Variants in SUFU observed in about 807,000 individuals in gnomAD.
SUFU encodes suppressor of fused homolog.
In SUFU, 7 loss-of-function variants were observed where a neutral mutation model predicts 58.9. That is an observed-to-expected ratio of 0.12 (90% CI 0.07 to 0.22). The LOEUF (loss-of-function observed/expected upper bound fraction) is 0.22. Ranked by LOEUF, SUFU falls within the 10% of genes least tolerant of loss-of-function variation. SUFU has a pLI of 1.00. For synonymous variants in SUFU, 232 were observed against 254.8 expected, an observed-to-expected ratio of 0.91 and a Z score of 0.85; for missense variants, 451 against 641.3, an observed-to-expected ratio of 0.70 and a Z score of 3.20.
chr10:102,613,336 T>A (rs1279288895), intron 8 of SUFU, among the ~76,000 whole-genome samples: 1 of 152,242 alleles, frequency 6.6e-6, no homozygotes, highest in African/African-American at 2.4e-5. Flanking sequence ...GACCGCTTTG[T>A]GAAGGAACAG....
intron 2 of SUFU, among the ~76,000 whole-genome samples, chr10:102,539,012 C>T (rs568140794): frequency 6.6e-5 from 10 of 152,258 alleles, no homozygotes; most frequent in Admixed American, 5.2e-4. Context: ...TTGCTTTGTG[C>T]GGGTCAGACA....
chr10:102,588,903 T>G (rs1339768157), intron 3 of SUFU, among the ~76,000 whole-genome samples: 1 of 152,200 alleles, frequency 6.6e-6, no homozygotes, highest in African/African-American at 2.4e-5. Flanking sequence ...TTACTTTCAT[T>G]TTTTATTTTG....
rs954397004 is a variant in SUFU at position 102,631,494 on chromosome 10, C to T, written c.*1339C>T. The T allele has an allele frequency of 5.6e-5, 13 of 233,532 alleles. No individual in the cohort carries two copies. The highest frequency in any genetic ancestry group is 1.0e-4 in the Non-Finnish European group (12 of 118,328). The allele number at this position is 233,532 out of a possible 1,614,324, so 14.5% of individuals were successfully genotyped here. A position where few individuals can be genotyped will look rare whatever the true frequency, so the allele number is the denominator to read the frequency against. On this transcript the variant is annotated 3_prime_UTR_variant, in exon 12 of 12. Transcript: ENST00000369902. ...TGGAACCAGCAAGCCCCTTTCCTGC[C>T]TTCTTACCCCCAACTCTAGGGATGG...
At chr10:102,518,983 T>C (rs1425618076) in intron 2 of SUFU, among the ~76,000 whole-genome samples, 1 of 148,408 alleles carries the variant, frequency 6.7e-6, no homozygotes, top group African/African-American at 2.5e-5. Context: ...ACTAAAAAAA[T>C]AGAAAAAATT....
Position 102,632,302 on chromosome 10 carries a change from C to T in SUFU, c.*2147C>T. On this transcript the variant is annotated 3_prime_UTR_variant, in exon 12 of 12. Coordinates refer to ENST00000369902, the MANE Select transcript of SUFU (RefSeq NM_016169.4). ...GCATGGTGGCCCTGTTCTGGGGGAG[C>T]AGGGTAAGGCAGGAGGAAGTGGGTG... 8.6e-6 allele frequency: 2 copies of T among 233,290 alleles called. No homozygotes were observed. Among genetic ancestry groups the T allele is most frequent in the Middle Eastern group, 1.3e-3 (1 of 786 alleles). The allele number at this position is 233,290 out of a possible 1,614,324, so 14.5% of individuals were successfully genotyped here.
At chr10:102,560,916 C>A (rs2063031364) in intron 3 of SUFU, among the ~76,000 whole-genome samples, 2 of 152,292 alleles carry the variant, frequency 1.3e-5, no homozygotes, top group African/African-American at 4.8e-5. Context: ...CGGCTCACCG[C>A]ATCCTCCGCC....
At chr10:102,622,823 G>GAA (rs59430798) in intron 10 of SUFU, among the ~76,000 whole-genome samples, 5 of 124,534 alleles carry the variant, frequency 4.0e-5, no homozygotes, top group Non-Finnish European at 5.1e-5. Context: ...CGTCTCAGAA[G>GAA]AAAAAAAAAA....
At chr10:102,544,932 T>C (rs1269510161) in intron 2 of SUFU, among the ~76,000 whole-genome samples, 1 of 152,230 alleles carries the variant, frequency 6.6e-6, no homozygotes, top group Non-Finnish European at 1.5e-5. Flanking sequence ...ATCCATGTTA[T>C]AGCGTATGCA....
rs777314445 is a variant in SUFU, at chr10:102,631,757, G to A, written c.*1602G>A. On this transcript the variant is annotated 3_prime_UTR_variant, in exon 12 of 12. Transcript: ENST00000369902. ...AGGGAGCAGGAGTTGGACCTCCATG[G>A]AGCCACTAGGCCTGGCCTCCTCTAC... is the stretch of plus-strand genomic sequence containing the variant. 5 of 233,164 alleles carry A rather than the reference G, an allele frequency of 2.1e-5. No homozygotes were observed. Among genetic ancestry groups the A allele is most frequent in the Non-Finnish European group, 3.4e-5 (4 of 118,156 alleles). The allele number at this position is 233,164 out of a possible 1,614,324, so 14.4% of individuals were successfully genotyped here.
intron 3 of SUFU, among the ~76,000 whole-genome samples, chr10:102,591,296 CG>C (rs1361263423): frequency 6.6e-6 from 1 of 152,056 alleles, no homozygotes; most frequent in Non-Finnish European, 1.5e-5. Context: ...GTCAGGAGAT[CG>C]AGGCCATCCT....
At chr10:102,541,309 ATC>A (rs2062796483) in intron 2 of SUFU, among the ~76,000 whole-genome samples, 1 of 152,040 alleles carries the variant, frequency 6.6e-6, no homozygotes, top group African/African-American at 2.4e-5. Flanking sequence ...GTAAGAATCC[ATC>A]TCATTCATTT....
At chr10:102,504,448 C>A in intron 1 of SUFU, 114 bp downstream of exon 1, 1 of 1,530,446 alleles carries the variant, frequency 6.5e-7, no homozygotes, top group Admixed American at 2.0e-5. Context: ...TTAAAGCACT[C>A]AGAAGGAGGG....
rs1036347481 is a variant in SUFU, at chr10:102,606,720, C to T, written c.1022+7176C>T. The stretch of plus-strand genomic sequence containing the variant: ...TGGTATTTTAGTTTGCCTGGAAACC[C>T]CTGAAGGTGGCAGTTCAGGAGAGAC... On this transcript the variant is annotated intron_variant, in intron 8 of 11. Transcript: ENST00000369902. 5.3e-5 allele frequency among the ~76,000 whole-genome samples: 8 copies of T among 152,028 alleles called. No individual in the cohort carries two copies. In the South Asian group the frequency reaches 6.2e-4, roughly 12 times the overall value.
At chr10:102,596,201 A>G (rs977499380) in intron 6 of SUFU, among the ~76,000 whole-genome samples, 3 of 152,164 alleles carry the variant, frequency 2.0e-5, no homozygotes, top group South Asian at 4.2e-4. Context: ...CTTCTCCCAC[A>G]TGGGGCTTCT....
At position 102,631,754 on chromosome 10, in the gene SUFU, A is replaced by G. The variant is rs906583465; in HGVS notation, c.*1599A>G. On this transcript the variant is annotated 3_prime_UTR_variant, in exon 12 of 12. Transcript: ENST00000369902. ...TCCAGGGAGCAGGAGTTGGACCTCC[A>G]TGGAGCCACTAGGCCTGGCCTCCTC... is the stretch of plus-strand genomic sequence containing the variant. 3.0e-5 allele frequency: 7 copies of G among 233,082 alleles called. No homozygotes were observed. Among genetic ancestry groups the G allele is most frequent in the Non-Finnish European group, 5.1e-5 (6 of 118,140 alleles). 14.4% of individuals were successfully genotyped at this position (233,082 alleles called of 1,614,324 possible).
In SUFU at chr10:102,617,950, T is replaced by C. The variant is rs2063703979; in HGVS notation, c.1296+522T>C. ...AGCCCTCCCGTTCCTCCTGAGTTTGTGTGACCAGAGACCTGCTGGCTTATC... is the reference window on the plus strand; with the variant it reads ...AGCCCTCCCGTTCCTCCTGAGTTTGCGTGACCAGAGACCTGCTGGCTTATC... On this transcript the variant is annotated intron_variant, in intron 10 of 11. Transcript: ENST00000369902. This position sits in a 1 kb window ranked among gnomAD's most constrained non-coding sequence, Gnocchi z 4.4. The C allele has an allele frequency of 5.0e-6, 1 of 199,496 alleles. No individual in the cohort carries two copies. The highest frequency in any genetic ancestry group is 2.3e-5 in the African/African-American group (1 of 43,082). The allele number at this position is 199,496 out of a possible 1,614,324, so 12.4% of individuals were successfully genotyped here. A position where few individuals can be genotyped will look rare whatever the true frequency, so the allele number is the denominator to read the frequency against.
chr10:102,525,374 T>G (rs962253255), intron 2 of SUFU, among the ~76,000 whole-genome samples: 2 of 152,148 alleles, frequency 1.3e-5, no homozygotes, highest in African/African-American at 4.8e-5. Flanking sequence ...CCTCCCAAAG[T>G]GCTGAGATTA....
chr10:102,563,215 T>C (rs773278484), intron 3 of SUFU, among the ~76,000 whole-genome samples: 1 of 152,184 alleles, frequency 6.6e-6, no homozygotes, highest in Non-Finnish European at 1.5e-5. Flanking sequence ...GCCTGCGACA[T>C]ACCAGAGGCT....
chr10:102,601,873 AT>A (rs1413700374), intron 8 of SUFU, among the ~76,000 whole-genome samples: 1 of 152,114 alleles, frequency 6.6e-6, no homozygotes, highest in Non-Finnish European at 1.5e-5. Flanking sequence ...CGTGGGCCAT[AT>A]TTTGTCTGCG....
Sources: gnomAD v4.1 joint callset for allele counts (sites outside exome capture counted in the v4.1 genomes callset) on GRCh38, gnomAD v4.1.1 for gene constraint, Gnocchi (gnomAD v3.1) non-coding constraint, MANE v1.5 for transcripts, NCBI Gene and HGNC (gene_info 2026-07-23, HGNC 2026-07-21) for gene names.